The following GPC5 variants were observed in gnomAD, a reference collection of about 807,000 sequenced individuals.
GPC5 encodes glypican 5, also known as glypican-5.
In GPC5, 47 loss-of-function variants were observed where a neutral mutation model predicts 53.9. The observed-to-expected ratio is 0.87, with a 90% confidence interval of 0.69 to 1.11. GPC5 has a LOEUF of 1.11. Among genes scored for constraint, GPC5 ranks in the 50% most tolerant of loss-of-function variants. The pLI, the probability that GPC5 is intolerant of heterozygous loss-of-function variation, is 0.00. For synonymous variants in GPC5, 286 were observed against 263.3 expected (o/e 1.09, Z -0.84); for missense variants, 748 against 713.1 (o/e 1.05, Z -0.56).
intron 2 of GPC5, among the ~76,000 whole-genome samples, chr13:91,645,688 T>A (rs187112163): frequency 7.2e-4 from 109 of 152,374 alleles, no homozygotes; most frequent in East Asian, 2.5e-3. Context: ...AACTGAAGTC[T>A]AGTCAGTCAT....
intron 7 of GPC5, among the ~76,000 whole-genome samples, chr13:92,317,356 GAGTTATTCAA>G (rs2043186105): frequency 6.6e-6 from 1 of 152,172 alleles, no homozygotes; most frequent in African/African-American, 2.4e-5. Context: ...GGTGAAAAGA[GAGTTATTCAA>G]AGTTATTCAA....
At chr13:92,432,335 G>GT (rs965899760) in intron 7 of GPC5, among the ~76,000 whole-genome samples, 6 of 140,878 alleles carry the variant, frequency 4.3e-5, no homozygotes, top group Admixed American at 2.1e-4. Flanking sequence ...TAATAAACTA[G>GT]TTTTTTTATT....
At chr13:92,047,396 A>T (rs2040990772) in intron 6 of GPC5, among the ~76,000 whole-genome samples, 1 of 150,672 alleles carries the variant, frequency 6.6e-6, no homozygotes, top group African/African-American at 2.4e-5. Flanking sequence ...CCTCCATCAA[A>T]TTTTTTCTCA....
At chr13:92,237,595 G>A (rs2042579885) in intron 7 of GPC5, among the ~76,000 whole-genome samples, 1 of 152,060 alleles carries the variant, frequency 6.6e-6, no homozygotes, top group African/African-American at 2.4e-5. Context: ...CCAAGTATGT[G>A]TATATTTGAC....
At chr13:92,110,529 A>G (rs1241876903) in intron 6 of GPC5, among the ~76,000 whole-genome samples, 1 of 146,380 alleles carries the variant, frequency 6.8e-6, no homozygotes, top group African/African-American at 2.5e-5. Context: ...TCTCTAAAGG[A>G]AAAAAAAAAA....
chr13:92,315,537 T>A (rs2043173416), intron 7 of GPC5, among the ~76,000 whole-genome samples: 1 of 152,206 alleles, frequency 6.6e-6, no homozygotes, highest in South Asian at 2.1e-4. Flanking sequence ...AGTCAGTTGG[T>A]TGTGTTTGTT....
At chr13:92,765,435 A>G (rs1875363913) in intron 7 of GPC5, among the ~76,000 whole-genome samples, 1 of 152,234 alleles carries the variant, frequency 6.6e-6, no homozygotes, top group African/African-American at 2.4e-5. Flanking sequence ...CATTAGGCCA[A>G]TACAAGTTTT....
chr13:92,133,982 A>G (rs2041764754), intron 6 of GPC5, among the ~76,000 whole-genome samples: 1 of 152,172 alleles, frequency 6.6e-6, no homozygotes, highest in South Asian at 2.1e-4. Context: ...CCTTGGCAAT[A>G]TAGACATTAA....
intron 7 of GPC5, among the ~76,000 whole-genome samples, chr13:92,693,946 C>T (rs1887485645): frequency 1.3e-5 from 2 of 152,184 alleles, no homozygotes; most frequent in Admixed American, 1.3e-4. Context: ...GGGTCAGGCC[C>T]AGGGCCCTGC....
chr13:92,482,713 A>G (rs1406515159), intron 7 of GPC5, among the ~76,000 whole-genome samples: 1 of 152,158 alleles, frequency 6.6e-6, no homozygotes, highest in African/African-American at 2.4e-5. Flanking sequence ...CCACGATTGT[A>G]TTGCACTTAA....
chr13:92,429,669 A>C (rs1054711744), intron 7 of GPC5, among the ~76,000 whole-genome samples: 9 of 152,090 alleles, frequency 5.9e-5, no homozygotes, highest in Non-Finnish European at 1.0e-4. Flanking sequence ...TTTACTTTTC[A>C]GAAGTTATAT....
intron 7 of GPC5, among the ~76,000 whole-genome samples, chr13:92,162,129 G>C (rs1045628508): frequency 6.7e-6 from 1 of 150,018 alleles, no homozygotes; most frequent in South Asian, 2.1e-4. Flanking sequence ...TTTTTTCCCT[G>C]AAGTCTAAAC....
At chr13:91,929,182 T>A (rs1004621290) in intron 6 of GPC5, among the ~76,000 whole-genome samples, 2 of 152,160 alleles carry the variant, frequency 1.3e-5, no homozygotes, top group African/African-American at 4.8e-5. Flanking sequence ...AACTACAGGC[T>A]TTATTCATTT....
intron 5 of GPC5, among the ~76,000 whole-genome samples, chr13:91,811,369 C>T (rs2038309383): frequency 6.6e-6 from 1 of 151,922 alleles, no homozygotes. Context: ...TTGAAAATTT[C>T]ATATAAAATA....
chr13:91,733,022 A>G (rs2036735582), intron 4 of GPC5, among the ~76,000 whole-genome samples: 1 of 152,154 alleles, frequency 6.6e-6, no homozygotes, highest in Admixed American at 6.5e-5. Context: ...TTGGTTCCAT[A>G]TGAAATTTAA....
At chr13:92,260,057 T>A (rs2042755228) in intron 7 of GPC5, among the ~76,000 whole-genome samples, 1 of 152,200 alleles carries the variant, frequency 6.6e-6, no homozygotes, top group Non-Finnish European at 1.5e-5. Flanking sequence ...TATTCCTCTC[T>A]GTTTCATACA....
intron 7 of GPC5, among the ~76,000 whole-genome samples, chr13:92,717,181 A>G (rs1225513147): frequency 2.0e-5 from 3 of 152,108 alleles, no homozygotes; most frequent in African/African-American, 7.2e-5. Context: ...AACTCTGCAA[A>G]TACACATTTG....
chr13:92,274,653 C>T (rs894223903), intron 7 of GPC5, among the ~76,000 whole-genome samples: 1 of 152,070 alleles, frequency 6.6e-6, no homozygotes, highest in Non-Finnish European at 1.5e-5. Context: ...CACTGAAAAG[C>T]TAAAATGGGG....
intron 7 of GPC5, among the ~76,000 whole-genome samples, chr13:92,682,912 A>G (rs1017757359): frequency 7.9e-5 from 12 of 152,186 alleles, no homozygotes; most frequent in African/African-American, 2.2e-4. Context: ...CTGAAATGCA[A>G]GACAAAGCTC....
Sources: allele counts gnomAD v4.1 joint callset (sites outside exome capture counted in the v4.1 genomes callset), GRCh38; gene constraint gnomAD v4.1.1; transcripts MANE v1.5; gene names NCBI Gene and HGNC (gene_info 2026-07-23, HGNC 2026-07-21).